CCDC91: variants seen among roughly 807,000 people sequenced by gnomAD.
CCDC91 encodes coiled-coil domain-containing protein 91.
A neutral mutation model predicts 63.2 loss-of-function variants in CCDC91; 48 were observed. The ratio of observed to expected loss-of-function variants is 0.76; its 90% confidence interval spans 0.60 to 0.97. The LOEUF is 0.97. Ranked by LOEUF, CCDC91 falls within the 50% of genes least tolerant of loss-of-function variation. The pLI is 0.00. For synonymous variants in CCDC91, 167 were observed against 165.8 expected, an observed-to-expected ratio of 1.01 and a Z score of -0.06; for missense variants, 500 against 494.6, an observed-to-expected ratio of 1.01 and a Z score of -0.10.
intron 6 of CCDC91, among the ~76,000 whole-genome samples, chr12:28,342,679 G>C (rs1325863449): frequency 1.3e-5 from 2 of 152,096 alleles, no homozygotes; most frequent in Admixed American, 6.5e-5. Context: ...GAGTAGATGA[G>C]GGAATATAGG....
intron 3 of CCDC91, among the ~76,000 whole-genome samples, chr12:28,273,794 T>C (rs1486034096): frequency 6.6e-6 from 1 of 152,198 alleles, no homozygotes; most frequent in Non-Finnish European, 1.5e-5. Flanking sequence ...GTAGGTTGCC[T>C]GTTCACTCTG....
intron 8 of CCDC91, among the ~76,000 whole-genome samples, chr12:28,433,446 G>A (rs1227801729): frequency 3.3e-5 from 5 of 151,886 alleles, no homozygotes; most frequent in African/African-American, 7.2e-5. Flanking sequence ...ATGTTCAGAT[G>A]TTCTAGCACC....
At chr12:28,537,852 A>G (rs1168783512) in intron 12 of CCDC91, among the ~76,000 whole-genome samples, 2 of 152,280 alleles carry the variant, frequency 1.3e-5, no homozygotes, top group East Asian at 1.9e-4. Context: ...ATTTCGCCCA[A>G]TAACTGCCAC....
intron 12 of CCDC91, among the ~76,000 whole-genome samples, chr12:28,530,064 C>T (rs1941607306): frequency 6.6e-6 from 1 of 152,206 alleles, no homozygotes; most frequent in Non-Finnish European, 1.5e-5. Context: ...ACAGCAGTTT[C>T]TCCAGTCCCA....
intron 3 of CCDC91, among the ~76,000 whole-genome samples, chr12:28,263,057 AT>A (rs1364118100): frequency 1.3e-5 from 2 of 151,750 alleles, no homozygotes; most frequent in East Asian, 3.9e-4. Flanking sequence ...ATTGCTCCTG[AT>A]TGTATTACTT....
At chr12:28,397,260 G>A (rs1362767401) in intron 8 of CCDC91, among the ~76,000 whole-genome samples, 1 of 152,280 alleles carries the variant, frequency 6.6e-6, no homozygotes, top group Admixed American at 6.5e-5. Context: ...AACAAGAGTA[G>A]TTTCAACAGA....
intron 7 of CCDC91, among the ~76,000 whole-genome samples, chr12:28,368,269 T>G (rs1407308700): frequency 6.6e-6 from 1 of 152,200 alleles, no homozygotes; most frequent in Non-Finnish European, 1.5e-5. Flanking sequence ...AAAAGAACTT[T>G]TAACCACAAA....
At chr12:28,516,271 A>G (rs1256145520) in intron 12 of CCDC91, among the ~76,000 whole-genome samples, 2 of 151,940 alleles carry the variant, frequency 1.3e-5, no homozygotes, top group Non-Finnish European at 2.9e-5. Context: ...GTGCTGCTAT[A>G]TCAGAATACC....
At chr12:28,319,196 T>G (rs1940223660) in intron 6 of CCDC91, 1 of 151,928 alleles carries the variant, frequency 6.6e-6, no homozygotes, top group Non-Finnish European at 1.5e-5. Context: ...TTTAAGCAAA[T>G]AAACTTCATG....
intron 12 of CCDC91, among the ~76,000 whole-genome samples, chr12:28,503,054 A>C (rs1184767394): frequency 1.3e-5 from 2 of 152,218 alleles, no homozygotes; most frequent in East Asian, 1.9e-4. Flanking sequence ...CACCAAAAGC[A>C]ATGGCAACAA....
chr12:28,249,864 C>T (rs762541286), intron 1 of CCDC91, among the ~76,000 whole-genome samples: 7 of 151,854 alleles, frequency 4.6e-5, no homozygotes, highest in Admixed American at 2.6e-4. Context: ...ATTCATTGAG[C>T]GATGAGATTT....
intron 8 of CCDC91, among the ~76,000 whole-genome samples, chr12:28,408,027 T>C (rs2139654646): frequency 6.6e-6 from 1 of 151,858 alleles, no homozygotes; most frequent in Admixed American, 6.6e-5. Context: ...GCAGGTTTGT[T>C]GCATAGGTAT....
chr12:28,425,681 A>T (rs1380663439), intron 8 of CCDC91, among the ~76,000 whole-genome samples: 2 of 152,324 alleles, frequency 1.3e-5, no homozygotes, highest in Non-Finnish European at 2.9e-5. Flanking sequence ...TTGAGTGCTC[A>T]TGGAACTCTC....
intron 6 of CCDC91, among the ~76,000 whole-genome samples, chr12:28,341,445 A>G (rs1942417879): frequency 2.6e-5 from 4 of 152,126 alleles, no homozygotes; most frequent in Admixed American, 2.6e-4. Flanking sequence ...TTCCACATTT[A>G]AGGACTTTTG....
chr12:28,405,471 A>T (rs1946878862), intron 8 of CCDC91, among the ~76,000 whole-genome samples: 1 of 152,180 alleles, frequency 6.6e-6, no homozygotes, highest in Non-Finnish European at 1.5e-5. Flanking sequence ...TCCTTCTCAG[A>T]TGCTTTTTCC....
At chr12:28,376,370 C>T (rs1465132260) in intron 7 of CCDC91, among the ~76,000 whole-genome samples, 2 of 151,596 alleles carry the variant, frequency 1.3e-5, no homozygotes, top group African/African-American at 4.8e-5. Flanking sequence ...CAAACCCTAA[C>T]AGAAACCAAA....
chr12:28,439,093 C>T (rs1376487927), intron 8 of CCDC91, among the ~76,000 whole-genome samples: 1 of 152,158 alleles, frequency 6.6e-6, no homozygotes, highest in African/African-American at 2.4e-5. Context: ...AAGTCAAAGT[C>T]CTACTTAAAT....
At chr12:28,389,775 A>G (rs1434326817) in intron 7 of CCDC91, among the ~76,000 whole-genome samples, 3 of 151,992 alleles carry the variant, frequency 2.0e-5, no homozygotes, top group African/African-American at 7.2e-5. Context: ...ATAGAATGAC[A>G]TTTTTTTCTC....
chr12:28,497,878 T>A (rs567654060), intron 12 of CCDC91, among the ~76,000 whole-genome samples: 12 of 151,668 alleles, frequency 7.9e-5, no homozygotes, highest in African/African-American at 2.7e-4. Flanking sequence ...TAAGCTTTAG[T>A]GTGACTATAA....
Sources: gnomAD v4.1 joint callset for allele counts (sites outside exome capture counted in the v4.1 genomes callset) on GRCh38, gnomAD v4.1.1 for gene constraint, MANE v1.5 for transcripts, NCBI Gene and HGNC (gene_info 2026-07-23, HGNC 2026-07-21) for gene names.